OR2B2: variants seen among roughly 807,000 people sequenced by gnomAD.
OR2B2 encodes the protein olfactory receptor family 2 subfamily B member 2, also known as olfactory receptor 2B2.
For synonymous variants in OR2B2, 137 were observed against 150.9 expected (o/e 0.91, Z 0.67); for missense variants, 362 against 422.4 (o/e 0.86, Z 1.25).
rs1321723382 is a variant in OR2B2 at position 27,911,954 on chromosome 6, C to T, written c.366G>A (p.Arg122=). 1 of 1,614,156 alleles carries T rather than the reference C, an allele frequency of 6.2e-7. No individual in the cohort carries two copies. Among genetic ancestry groups the T allele is most frequent in the Admixed American group, 1.7e-5 (1 of 60,016 alleles). ...GGAGAGGCCGACAAATAGCTACAAA[C>T]CTATCAAAGCACATGACGGCCAGGA... ...CLLLAVMCFD[R]FVAICRPLHY... Residue 122 remains arginine (R), a synonymous_variant, in exon 1 of 1, where the codon AGG becomes AGA. Transcript: ENST00000303324.
In OR2B2 at chr6:27,911,276, A is replaced by G. The variant is rs1265102691; in HGVS notation, c.1044T>C (p.Tyr348=). 7 of 1,580,638 alleles carry G rather than the reference A, an allele frequency of 4.4e-6. No individual in the cohort carries two copies. The highest frequency in any genetic ancestry group is 5.1e-6 in the Non-Finnish European group (6 of 1,167,788). Residue 348 remains tyrosine, a synonymous_variant, in exon 1 of 1, where the codon TAT becomes TAC. Coordinates refer to ENST00000303324, the MANE Select transcript of OR2B2 (RefSeq NM_033057.2). ...CPIFVITIEN[Y]CNLPQRKFP ...GAAATTTTCTTTGAGGGAGATTACA[A>G]TAGTTTTCTATAGTAATGACAAAAA...
In OR2B2 at chr6:27,911,690, G is replaced by C. The variant is rs780294471; in HGVS notation, c.630C>G (p.Pro210=). ...CATACGATATAAGGATGAGTGTCAC[G>C]GGTATTAGAAGGAATAGCACACTGA... ...FFISVLFLLI[P]VTLILISYAF... is the part of the protein sequence containing the mutation. Residue 210 remains proline, a synonymous_variant, in exon 1 of 1, where the codon CCC becomes CCG. Transcript: ENST00000303324. 2 of 1,613,706 alleles carry C rather than the reference G, an allele frequency of 1.2e-6. No individual in the cohort carries two copies. Among genetic ancestry groups the C allele is most frequent in the Non-Finnish European group, 1.7e-6 (2 of 1,179,886 alleles).
At position 27,912,033 on chromosome 6, in the gene OR2B2, C is replaced by A; in HGVS notation, c.287G>T (p.Gly96Val). 6.2e-7 allele frequency: 1 copy of A among 1,614,196 alleles called. No individual in the cohort carries two copies. Among genetic ancestry groups the A allele is most frequent in the South Asian group, 1.1e-5 (1 of 91,084 alleles). The change falls in exon 1 of 1, where the codon GGC becomes GTC. Residue 96 changes from glycine (G) to valine (V), a missense_variant. Transcript: ENST00000303324. Reference protein sequence around the residue: ...CNTRKVISYGGCVAQLFIFLA... With the variant: ...CNTRKVISYGVCVAQLFIFLA... Reference sequence around the variant, plus strand: ...GAAAATGAAAAGCTGGGCCACACAGCCACCATAACTGATTACTTTCCTGGT... The same window carrying A: ...GAAAATGAAAAGCTGGGCCACACAGACACCATAACTGATTACTTTCCTGGT...
Position 27,912,320 on chromosome 6 carries a change from G to T in OR2B2, c.-1C>A. The stretch of plus-strand genomic sequence containing the variant: ...GGACACTCTTATTTACCCAATTCAT[G>T]TTAAATGGTTCAACTCTTCGTTCTC... On this transcript the variant is annotated 5_prime_UTR_variant, in exon 1 of 1. Coordinates refer to ENST00000303324, the MANE Select transcript of OR2B2 (RefSeq NM_033057.2). 3.9e-6 allele frequency: 6 copies of T among 1,554,546 alleles called. No homozygotes were observed. Among genetic ancestry groups the T allele is most frequent in the Non-Finnish European group, 5.2e-6 (6 of 1,143,710 alleles).
chr6:27,911,429 TA>T lies in OR2B2; in HGVS notation c.890del (p.Val297GlufsTer18), dbSNP rs749447639. The T allele has an allele frequency of 5.5e-5, 89 of 1,614,070 alleles. No individual in the cohort carries two copies. Among genetic ancestry groups the T allele is most frequent in the Non-Finnish European group, 7.5e-5 (89 of 1,180,036 alleles). On this transcript the variant is annotated frameshift_variant, in exon 1 of 1. Transcript: ENST00000303324. LOFTEE classifies it low-confidence loss of function (END_TRUNC). ...PLIYTLRNKE[V>X]KEAFKRLVAK... is the part of the protein sequence containing the mutation. ...CAACCAACCTTTTAAAGGCTTCCTT[TA>T]CCTCTTTGTTCCTAAGTGTATATAT...
rs774692242 is a variant in OR2B2, at chr6:27,911,712, CTGA to C, written c.605_607del (p.Ile202del). 3.6e-5 allele frequency: 58 copies of C among 1,613,318 alleles called. No individual in the cohort carries two copies. Among genetic ancestry groups the C allele is most frequent in the Middle Eastern group, 1.6e-4 (1 of 6,076 alleles). ...CACGGGTATTAGAAGGAATAGCACA[CTGA>C]TGAAGAATAGTTCAGCCTCATTTGC... On this transcript the variant is annotated inframe_deletion, in exon 1 of 1. Coordinates refer to ENST00000303324, the MANE Select transcript of OR2B2 (RefSeq NM_033057.2).
chr6:27,912,201 A>G lies in OR2B2; in HGVS notation c.119T>C (p.Phe40Ser). ...MFLFSYILTI[F>S]GNLTIILVSH... ...CACAAGAATTATTGTCAGATTGCCA[A>G]AGATTGTCAAGATATAGGAAAACAG... The change falls in exon 1 of 1, where the codon TTT becomes TCT. Residue 40 changes from phenylalanine (F) to serine (S), a missense_variant. Transcript: ENST00000303324. 2.5e-6 allele frequency: 4 copies of G among 1,614,236 alleles called. No homozygotes were observed. Among genetic ancestry groups the G allele is most frequent in the Non-Finnish European group, 3.4e-6 (4 of 1,180,042 alleles).
chr6:27,911,764 T>A lies in OR2B2; in HGVS notation c.556A>T (p.Lys186Ter). The A allele has an allele frequency of 6.2e-7, 1 of 1,613,698 alleles. No homozygotes were observed. The highest frequency in any genetic ancestry group is 8.5e-7 in the Non-Finnish European group (1 of 1,179,808). Residue 186 changes from lysine (K) to a stop codon, truncating the protein, a stop_gained, in exon 1 of 1, where the codon AAG becomes TAG. Transcript: ENST00000303324. LOFTEE classifies it low-confidence loss of function (END_TRUNC). ...HFFCEVPALL[K>*]LSCVDTTANE... ...GCTGTTGTGTCAACACAGGACAACT[T>A]GAGCAGAGCAGGGACTTCACAGAAG...
At position 27,911,444 on chromosome 6, in the gene OR2B2, A is replaced by G. The variant is rs1214143396; in HGVS notation, c.876T>C (p.Leu292=). 6.2e-7 allele frequency: 1 copy of G among 1,614,136 alleles called. No homozygotes were observed. The highest frequency in any genetic ancestry group is 1.1e-5 in the South Asian group (1 of 91,072). The change falls in exon 1 of 1, where the codon CTT becomes CTC. Residue 292 remains leucine (L), a synonymous_variant. Transcript: ENST00000303324. ...APMLNPLIYT[L]RNKEVKEAFK... ...AGGCTTCCTTTACCTCTTTGTTCCT[A>G]AGTGTATATATAAGGGGATTCAGCA...
chr6:27,911,345 G>A lies in OR2B2; in HGVS notation c.975C>T (p.Asp325=). 1.2e-6 allele frequency: 2 copies of A among 1,613,918 alleles called. No individual in the cohort carries two copies. The highest frequency in any genetic ancestry group is 1.7e-6 in the Non-Finnish European group (2 of 1,179,888). ...RNMQMISFAK[D]TVLTYLTNFS... ...AGTTAGTAAGGTAAGTAAGCACTGT[G>A]TCTTTAGCAAAGCTTATCATTTGCA... The change falls in exon 1 of 1, where the codon GAC becomes GAT. Residue 325 remains aspartate (D), a synonymous_variant. Transcript: ENST00000303324.
Position 27,912,164 on chromosome 6 carries a change from A to G in OR2B2, c.156T>C (p.Asp52=). The G allele has an allele frequency of 6.2e-7, 1 of 1,614,212 alleles. No individual in the cohort carries two copies. The highest frequency in any genetic ancestry group is 8.5e-7 in the Non-Finnish European group (1 of 1,180,032). ...NLTIILVSHV[D]FKLHTPMYFF... is the part of the protein sequence containing the mutation. ...AGTACATAGGGGTGTGGAGTTTGAA[A>G]TCCACATGTGACACAAGAATTATTG... Residue 52 remains aspartate, a synonymous_variant, in exon 1 of 1, where the codon GAT becomes GAC. Coordinates refer to ENST00000303324, the MANE Select transcript of OR2B2 (RefSeq NM_033057.2).
chr6:27,912,079 T>A lies in OR2B2; in HGVS notation c.241A>T (p.Met81Leu), dbSNP rs1180480205. 1 of 1,614,192 alleles carries A rather than the reference T, an allele frequency of 6.2e-7. No homozygotes were observed. Among genetic ancestry groups the A allele is most frequent in the East Asian group, 2.2e-5 (1 of 44,894 alleles). Residue 81 changes from methionine (M) to leucine (L), a missense_variant, in exon 1 of 1, where the codon ATG becomes TTG. Met to Leu is a conservative substitution (Grantham distance 15). Coordinates refer to ENST00000303324, the MANE Select transcript of OR2B2 (RefSeq NM_033057.2). ...CTGGTGTTGCATATGTTTACCAGCA[T>A]TTGTGGAACTGTACTTGTGGTATAG... The part of the protein sequence containing the change: ...LCYTTSTVPQ[M>L]LVNICNTRKV...
In OR2B2 at chr6:27,912,270, A is replaced by G. The variant is rs1028037966; in HGVS notation, c.50T>C (p.Phe17Ser). The G allele has an allele frequency of 1.2e-6, 2 of 1,613,324 alleles. No individual in the cohort carries two copies. The highest frequency in any genetic ancestry group is 2.7e-5 in the African/African-American group (2 of 74,880). ...SVPQEFILLV[F>S]SDQPWLEIPP... ...AATCTCTAGCCATGGTTGATCTGAGAAAACTAACAGAATGAACTCCTGTGG... is the reference window on the plus strand; with the variant it reads ...AATCTCTAGCCATGGTTGATCTGAGGAAACTAACAGAATGAACTCCTGTGG... Residue 17 changes from phenylalanine (F) to serine (S), a missense_variant, in exon 1 of 1, where the codon TTC (phenylalanine) becomes TCC (serine). Coordinates refer to ENST00000303324, the MANE Select transcript of OR2B2 (RefSeq NM_033057.2).
Position 27,911,899 on chromosome 6 carries a change from A to G in OR2B2, c.421T>C (p.Cys141Arg). Residue 141 changes from cysteine to arginine, a missense_variant, in exon 1 of 1, where the codon TGC becomes CGC. Physicochemically the swap from Cys to Arg is radical, Grantham distance 180. Transcript: ENST00000303324. Reference sequence around the variant, plus strand: ...CAGGATGCAGCTGCCAACTGGAAGCAGAGCCTCTGGTGCATGATAATTGAG... The same window carrying G: ...CAGGATGCAGCTGCCAACTGGAAGCGGAGCCTCTGGTGCATGATAATTGAG... ...HYSIIMHQRL[C>R]FQLAAASWIS... 6.2e-7 allele frequency: 1 copy of G among 1,614,222 alleles called. No homozygotes were observed. Among genetic ancestry groups the G allele is most frequent in the Non-Finnish European group, 8.5e-7 (1 of 1,180,032 alleles).
rs148820897 is a variant in OR2B2, at chr6:27,912,077, C to T, written c.243G>A (p.Met81Ile). 3.3e-5 allele frequency: 53 copies of T among 1,614,030 alleles called. No homozygotes were observed. Among genetic ancestry groups the T allele is most frequent in the Non-Finnish European group, 4.5e-5 (53 of 1,180,034 alleles). Residue 81 changes from methionine (M) to isoleucine (I), a missense_variant, in exon 1 of 1, where the codon ATG becomes ATA. Coordinates refer to ENST00000303324, the MANE Select transcript of OR2B2 (RefSeq NM_033057.2). ...LCYTTSTVPQMLVNICNTRKV... is the reference protein window; with the variant it reads ...LCYTTSTVPQILVNICNTRKV... ...TCCTGGTGTTGCATATGTTTACCAG[C>T]ATTTGTGGAACTGTACTTGTGGTAT...
rs200730241 is a variant in OR2B2, at chr6:27,911,875, A to G, written c.445T>C (p.Trp149Arg). ...RLCFQLAAAS[W>R]ISGFSNSVLQ... ...ACTGAATTGCTAAAGCCACTAATCC[A>G]GGATGCAGCTGCCAACTGGAAGCAG... Residue 149 changes from tryptophan (W) to arginine (R), a missense_variant, in exon 1 of 1, where the codon TGG becomes CGG. Trp to Arg is a moderately radical substitution (Grantham distance 101). Coordinates refer to ENST00000303324, the MANE Select transcript of OR2B2 (RefSeq NM_033057.2). The G allele has an allele frequency of 4.3e-4, 697 of 1,614,042 alleles. No individual in the cohort carries two copies. Among genetic ancestry groups the G allele is most frequent in the Non-Finnish European group, 5.5e-4 (646 of 1,180,018 alleles).
In OR2B2 at chr6:27,911,326, T is replaced by C. The variant is rs771776652; in HGVS notation, c.994A>G (p.Thr332Ala). 1.2e-6 allele frequency: 2 copies of C among 1,611,910 alleles called. No homozygotes were observed. The highest frequency in any genetic ancestry group is 1.7e-6 in the Non-Finnish European group (2 of 1,179,300). Reference protein sequence around the residue: ...FAKDTVLTYLTNFSASCPIFV... With the variant: ...FAKDTVLTYLANFSASCPIFV... ...ATAGGACAACTTGCGGAGAAGTTAG[T>C]AAGGTAAGTAAGCACTGTGTCTTTA... Residue 332 changes from threonine (T) to alanine (A), a missense_variant, in exon 1 of 1, where the codon ACT becomes GCT. Transcript: ENST00000303324.
rs189429814 is a variant in OR2B2 at position 27,912,345 on chromosome 6, C to G, written c.-26G>C. 715 of 1,413,596 alleles carry G rather than the reference C, an allele frequency of 5.1e-4. 11 individuals carry two copies. In the Admixed American group the frequency reaches 0.015, roughly 30 times the overall value. 87.6% of individuals were successfully genotyped at this position (1,413,596 alleles called of 1,614,324 possible). ...GTTAAATGGTTCAACTCTTCGTTCTCTGAAATATAAGAAGTCAGGAAGTTA... is the reference window on the plus strand; with the variant it reads ...GTTAAATGGTTCAACTCTTCGTTCTGTGAAATATAAGAAGTCAGGAAGTTA... On this transcript the variant is annotated 5_prime_UTR_variant, in exon 1 of 1. Coordinates refer to ENST00000303324, the MANE Select transcript of OR2B2 (RefSeq NM_033057.2).
Position 27,911,764 on chromosome 6 carries a change from T to G in OR2B2, c.556A>C (p.Lys186Gln). Residue 186 changes from lysine (K) to glutamine (Q), a missense_variant, in exon 1 of 1, where the codon AAG becomes CAG. By Grantham distance (53) the Lys-to-Gln change is moderately conservative (BLOSUM62 1). Coordinates refer to ENST00000303324, the MANE Select transcript of OR2B2 (RefSeq NM_033057.2). Reference sequence around the variant, plus strand: ...GCTGTTGTGTCAACACAGGACAACTTGAGCAGAGCAGGGACTTCACAGAAG... The same window carrying G: ...GCTGTTGTGTCAACACAGGACAACTGGAGCAGAGCAGGGACTTCACAGAAG... ...HFFCEVPALL[K>Q]LSCVDTTANE... 1.2e-6 allele frequency: 2 copies of G among 1,613,698 alleles called. No homozygotes were observed. Among genetic ancestry groups the G allele is most frequent in the Non-Finnish European group, 8.5e-7 (1 of 1,179,808 alleles).
Sources: allele counts gnomAD v4.1 joint callset, GRCh38; gene constraint gnomAD v4.1.1; transcripts MANE v1.5; gene names NCBI Gene and HGNC (gene_info 2026-07-23, HGNC 2026-07-21).